Variants in LHFPL3 observed in about 807,000 individuals in gnomAD.
The protein encoded by LHFPL3 is LHFPL tetraspan subfamily member 3 protein.
LHFPL3 carries 5 observed loss-of-function variants against 19.3 expected under a neutral mutation model. The ratio of observed to expected loss-of-function variants is 0.26; its 90% CI spans 0.14 to 0.54. The LOEUF (loss-of-function observed/expected upper bound fraction) is 0.54, where lower values mean the gene tolerates loss of function less well. Ranked by LOEUF, LHFPL3 falls within the 20% of genes least tolerant of loss-of-function variation. LHFPL3 has a pLI of 0.94. For missense variants in LHFPL3, 249 were observed against 307.4 expected (o/e 0.81, Z 1.42); for synonymous variants, 133 against 126.2 (o/e 1.05, Z -0.36).
chr7:104,800,178 G>A (rs2470957), intron 2 of LHFPL3: 96,587 of 152,058 alleles, frequency 0.64, 31,468 homozygotes, highest in East Asian at 0.91. Flanking sequence ...AAAAGCTACC[G>A]CATCAATAAT....
intron 2 of LHFPL3, among the ~76,000 whole-genome samples, chr7:104,903,887 G>A (rs368430168): frequency 2.0e-5 from 3 of 152,146 alleles, no homozygotes; most frequent in Admixed American, 6.5e-5. Context: ...GTGCTGCAAC[G>A]AACATATGAG....
intron 1 of LHFPL3, among the ~76,000 whole-genome samples, chr7:104,572,255 T>A (rs141316657): frequency 6.6e-6 from 1 of 151,586 alleles, no homozygotes; most frequent in South Asian, 2.1e-4. Flanking sequence ...CAACCTAATA[T>A]ATTTTGTTAT....
At chr7:104,365,515 C>G (rs1165267166) in intron 1 of LHFPL3, among the ~76,000 whole-genome samples, 1 of 151,374 alleles carries the variant, frequency 6.6e-6, no homozygotes, top group Non-Finnish European at 1.5e-5. Flanking sequence ...GGCGCGGTGG[C>G]TCACGCCTGT....
intron 1 of LHFPL3, chr7:104,668,496 G>A (rs1238778765): frequency 6.8e-6 from 11 of 1,612,948 alleles, no homozygotes; most frequent in Non-Finnish European, 9.3e-6. Flanking sequence ...TCGATATGGT[G>A]GCCGGGATCG....
At chr7:104,469,985 C>A in intron 1 of LHFPL3, 1 of 455,844 alleles carries the variant, frequency 2.2e-6, no homozygotes, top group South Asian at 1.5e-5. Context: ...GCTTGAAATG[C>A]CACACTCTGA....
intron 2 of LHFPL3, among the ~76,000 whole-genome samples, chr7:104,751,918 C>A (rs897649670): frequency 2.6e-5 from 4 of 151,718 alleles, no homozygotes; most frequent in African/African-American, 9.7e-5. Context: ...TAGGTGGTGC[C>A]GTAGGATTAA....
intron 1 of LHFPL3, among the ~76,000 whole-genome samples, chr7:104,604,504 G>T (rs1453338904): frequency 6.6e-6 from 1 of 152,178 alleles, no homozygotes; most frequent in Non-Finnish European, 1.5e-5. Context: ...TGGCCACTTG[G>T]CCACACCCTT....
intron 1 of LHFPL3, chr7:104,669,356 A>C: frequency 1.2e-6 from 2 of 1,613,746 alleles, no homozygotes; most frequent in Non-Finnish European, 1.7e-6. Flanking sequence ...CCAAAAGGCC[A>C]AACTGGGAAC....
intron 1 of LHFPL3, among the ~76,000 whole-genome samples, chr7:104,559,120 T>C (rs1472595749): frequency 6.9e-6 from 1 of 145,430 alleles, no homozygotes; most frequent in Non-Finnish European, 1.5e-5. Flanking sequence ...GTGTGATGCC[T>C]CCAGCTTTGT....
intron 1 of LHFPL3, among the ~76,000 whole-genome samples, chr7:104,543,157 G>A (rs777596795): frequency 2.6e-5 from 4 of 152,264 alleles, no homozygotes; most frequent in Non-Finnish European, 5.9e-5. Flanking sequence ...CTGACAGGGG[G>A]TGAGGGGTCC....
intron 2 of LHFPL3, among the ~76,000 whole-genome samples, chr7:104,808,610 G>T (rs1004681121): frequency 1.3e-5 from 2 of 152,194 alleles, no homozygotes; most frequent in African/African-American, 4.8e-5. Flanking sequence ...CAAGGCAAAA[G>T]GTCTGGGTGG....
chr7:104,483,384 T>A (rs1258458729), intron 1 of LHFPL3, among the ~76,000 whole-genome samples: 2 of 152,226 alleles, frequency 1.3e-5, no homozygotes, highest in Non-Finnish European at 2.9e-5. Flanking sequence ...AAATTTTATG[T>A]TCAGTTGTAA....
chr7:104,367,683 G>GA (rs941395460), intron 1 of LHFPL3, among the ~76,000 whole-genome samples: 7 of 151,982 alleles, frequency 4.6e-5, no homozygotes, highest in Admixed American at 1.3e-4. Flanking sequence ...CATAATATTA[G>GA]AAAAAAAATG....
chr7:104,838,160 G>T (rs926950508), intron 2 of LHFPL3, among the ~76,000 whole-genome samples: 1 of 152,114 alleles, frequency 6.6e-6, no homozygotes, highest in East Asian at 1.9e-4. Context: ...GGAGGGATAC[G>T]GCTGGTAAAG....
chr7:104,377,467 G>A (rs1790737383), intron 1 of LHFPL3, among the ~76,000 whole-genome samples: 1 of 152,282 alleles, frequency 6.6e-6, no homozygotes, highest in East Asian at 1.9e-4. Flanking sequence ...TTTAAGGAAA[G>A]GAGCATTTCA....
At chr7:104,617,491 A>G (rs1791368653) in intron 1 of LHFPL3, among the ~76,000 whole-genome samples, 2 of 152,194 alleles carry the variant, frequency 1.3e-5, no homozygotes, top group South Asian at 4.1e-4. Context: ...GGCATCTTAC[A>G]TTATTTTGTT....
intron 1 of LHFPL3, among the ~76,000 whole-genome samples, chr7:104,485,281 T>C (rs2115672497): frequency 1.1e-5 from 1 of 87,412 alleles, no homozygotes; most frequent in Non-Finnish European, 2.6e-5. Context: ...TTATGGAGTG[T>C]TCTTTAAAAA....
chr7:104,557,682 T>G (rs1789876393), intron 1 of LHFPL3, among the ~76,000 whole-genome samples: 1 of 152,080 alleles, frequency 6.6e-6, no homozygotes, highest in African/African-American at 2.4e-5. Context: ...TTTTATTTTT[T>G]TATTTTTTAT....
chr7:104,338,212 C>T (rs979348746), intron 1 of LHFPL3, among the ~76,000 whole-genome samples: 5 of 147,680 alleles, frequency 3.4e-5, no homozygotes, highest in African/African-American at 1.2e-4. Context: ...CATTCTCCTG[C>T]CTTAGCCTCC....
Sources: gnomAD v4.1 joint callset for allele counts (sites outside exome capture counted in the v4.1 genomes callset) on GRCh38, gnomAD v4.1.1 for gene constraint, MANE v1.5 for transcripts, NCBI Gene and HGNC (gene_info 2026-07-23, HGNC 2026-07-21) for gene names.